Variants in LYPD6 observed in about 807,000 individuals in gnomAD.
The protein encoded by LYPD6 is LY6/PLAUR domain containing 6, also known as ly6/PLAUR domain-containing protein 6.
Under a neutral mutation model 22.7 loss-of-function variants are expected in LYPD6, and 15 were observed. The ratio of observed to expected loss-of-function variants is 0.66; its 90% CI spans 0.44 to 1.02. The LOEUF (loss-of-function observed/expected upper bound fraction) is 1.02. Ranked by LOEUF, LYPD6 falls within the 50% of genes least tolerant of loss-of-function variation. The pLI is 0.00. For synonymous variants in LYPD6, 72 were observed against 77.5 expected (o/e 0.93, Z 0.37); for missense variants, 189 against 208.4 (o/e 0.91, Z 0.57).
intron 4 of LYPD6, among the ~76,000 whole-genome samples, chr2:149,469,599 T>A (rs181731614): frequency 6.6e-6 from 1 of 152,230 alleles, no homozygotes; most frequent in East Asian, 1.9e-4. Flanking sequence ...TCAAGCAACC[T>A]CTTGAATACA....
intron 3 of LYPD6, among the ~76,000 whole-genome samples, chr2:149,468,132 A>ACACACAC (rs1681243964): frequency 7.8e-5 from 9 of 114,714 alleles, no homozygotes; most frequent in East Asian, 2.4e-4. Context: ...GCTTCCCCCC[A>ACACACAC]ACACACACAC....
chr2:149,388,466 G>A (rs1343452150), intron 1 of LYPD6, among the ~76,000 whole-genome samples: 1 of 152,154 alleles, frequency 6.6e-6, no homozygotes, highest in Non-Finnish European at 1.5e-5. Flanking sequence ...TTGGGTGGGT[G>A]CCTGCAGTGG....
At chr2:149,372,622 A>G (rs1681836220) in intron 1 of LYPD6, among the ~76,000 whole-genome samples, 1 of 152,254 alleles carries the variant, frequency 6.6e-6, no homozygotes, top group Non-Finnish European at 1.5e-5. Context: ...CTTGCAGAGC[A>G]TTCAAAGAAT....
At chr2:149,341,374 G>C (rs920858415) in intron 1 of LYPD6, among the ~76,000 whole-genome samples, 2 of 151,978 alleles carry the variant, frequency 1.3e-5, no homozygotes, top group African/African-American at 4.8e-5. Flanking sequence ...TGTAAATTTT[G>C]CTCTTTTACG....
intron 3 of LYPD6, 105 bp from the exon 4 acceptor site, chr2:149,468,540 C>T: frequency 1.5e-6 from 2 of 1,299,204 alleles, no homozygotes; most frequent in Non-Finnish European, 2.1e-6. Flanking sequence ...ATCTTATGTG[C>T]TATTAGCTCT....
intron 1 of LYPD6, among the ~76,000 whole-genome samples, chr2:149,372,870 A>T (rs1437915219): frequency 6.6e-6 from 1 of 152,212 alleles, no homozygotes; most frequent in African/African-American, 2.4e-5. Flanking sequence ...TACAGCAGTG[A>T]AAAAGAATAC....
At chr2:149,444,429 T>G (rs1447523688) in intron 2 of LYPD6, among the ~76,000 whole-genome samples, 1 of 152,166 alleles carries the variant, frequency 6.6e-6, no homozygotes, top group African/African-American at 2.4e-5. Flanking sequence ...CAATGAAGTT[T>G]ACCATATGAG....
At chr2:149,413,178 G>A (rs1419244119) in intron 1 of LYPD6, among the ~76,000 whole-genome samples, 7 of 152,148 alleles carry the variant, frequency 4.6e-5, no homozygotes, top group South Asian at 2.1e-4. Flanking sequence ...TGGGAGTCCC[G>A]AACTGGGTCC....
chr2:149,333,648 C>G (rs1188441356), intron 1 of LYPD6, among the ~76,000 whole-genome samples: 1 of 152,186 alleles, frequency 6.6e-6, no homozygotes, highest in Non-Finnish European at 1.5e-5. Context: ...GCTCTAGATG[C>G]TAGGGATACA....
At chr2:149,427,018 T>C (rs918441577) in intron 1 of LYPD6, among the ~76,000 whole-genome samples, 20 of 152,194 alleles carry the variant, frequency 1.3e-4, no homozygotes, top group Non-Finnish European at 1.3e-4. Context: ...TATAACTGAT[T>C]ACTAGTACTT....
intron 3 of LYPD6, among the ~76,000 whole-genome samples, chr2:149,455,592 C>T (rs1680940144): frequency 6.6e-6 from 1 of 152,116 alleles, no homozygotes; most frequent in Non-Finnish European, 1.5e-5. Flanking sequence ...CCTATCAGCC[C>T]ATACAAGACT....
At position 149,430,082 on chromosome 2, in the gene LYPD6, A is replaced by C. The variant is rs149067264; in HGVS notation, c.-71-7556A>C. ...CTCACATCTCAATGGAGACATGTGA[A>C]AGAATTCGCAATTGTATTTATTTAT... On this transcript the variant is annotated intron_variant, in intron 1 of 4. Transcript: ENST00000334166. 2.4e-4 allele frequency among the ~76,000 whole-genome samples: 36 copies of C among 152,252 alleles called. No homozygotes were observed. The East Asian group carries it at 6.6e-3, about 28-fold the overall frequency.
At chr2:149,393,938 G>A (rs1324385791) in intron 1 of LYPD6, among the ~76,000 whole-genome samples, 1 of 152,124 alleles carries the variant, frequency 6.6e-6, no homozygotes, top group Non-Finnish European at 1.5e-5. Flanking sequence ...TGAATCCCAA[G>A]GTGCCAGATG....
intron 3 of LYPD6, among the ~76,000 whole-genome samples, chr2:149,454,250 T>C (rs549656445): frequency 6.6e-6 from 1 of 152,350 alleles, no homozygotes; most frequent in African/African-American, 2.4e-5. Flanking sequence ...ATGCTGTGTT[T>C]CCACCCATAT....
chr2:149,484,562 C>T, the LYPD6 span, among the ~76,000 whole-genome samples: 3 of 152,106 alleles, frequency 2.0e-5, no homozygotes, highest in Non-Finnish European at 4.4e-5. Flanking sequence ...CCCCCGTAGT[C>T]CATGCACAGC....
chr2:149,396,238 T>C (rs895874576), intron 1 of LYPD6, among the ~76,000 whole-genome samples: 1 of 152,174 alleles, frequency 6.6e-6, no homozygotes, highest in African/African-American at 2.4e-5. Flanking sequence ...CTCTGCTTTT[T>C]TTTTCCTCTT....
At chr2:149,430,350 T>C (rs1172104909) in intron 1 of LYPD6, among the ~76,000 whole-genome samples, 1 of 152,192 alleles carries the variant, frequency 6.6e-6, no homozygotes, top group East Asian at 1.9e-4. Context: ...TCCTCCTGCC[T>C]CAGCCTCCCA....
intron 1 of LYPD6, among the ~76,000 whole-genome samples, chr2:149,366,919 C>A (rs1468209246): frequency 1.3e-5 from 2 of 152,116 alleles, no homozygotes; most frequent in African/African-American, 4.8e-5. Context: ...ATTCTTTTAG[C>A]CTTAGCTTTT....
At chr2:149,470,387 C>T (rs190845887) in intron 4 of LYPD6, among the ~76,000 whole-genome samples, 6 of 152,192 alleles carry the variant, frequency 3.9e-5, no homozygotes, top group Admixed American at 2.0e-4. Context: ...ATTTTAAGGG[C>T]GAAAGAACTG....
Sources: allele counts gnomAD v4.1 joint callset (sites outside exome capture counted in the v4.1 genomes callset), GRCh38; gene constraint gnomAD v4.1.1; transcripts MANE v1.5; gene names NCBI Gene and HGNC (gene_info 2026-07-23, HGNC 2026-07-21).